The following TRAPPC3L variants were observed in gnomAD, a reference collection of about 807,000 sequenced individuals.
The protein encoded by TRAPPC3L is trafficking protein particle complex subunit 3-like protein.
A neutral mutation model predicts 23.7 loss-of-function variants in TRAPPC3L; 23 were observed. The ratio of observed to expected loss-of-function variants is 0.97; its 90% confidence interval spans 0.70 to 1.37. The LOEUF is 1.37. TRAPPC3L is among the 40% of genes most tolerant of loss of function. TRAPPC3L has a pLI of 0.00. For missense variants in TRAPPC3L, 212 were observed against 216.8 expected (o/e 0.98, Z 0.14); for synonymous variants, 81 against 77.9 (o/e 1.04, Z -0.21).
chr6:116,533,164 C>T (rs976755281), intron 3 of TRAPPC3L, among the ~76,000 whole-genome samples: 1 of 152,082 alleles, frequency 6.6e-6, no homozygotes, highest in Admixed American at 6.6e-5. Context: ...GAGTTCTTGG[C>T]CACAGTGTCA....
intron 3 of TRAPPC3L, among the ~76,000 whole-genome samples, chr6:116,535,581 C>G (rs1387106063): frequency 6.6e-6 from 1 of 152,094 alleles, no homozygotes; most frequent in African/African-American, 2.4e-5. Flanking sequence ...TTTTTTGGCT[C>G]TTTGACCAGA....
intron 4 of TRAPPC3L, among the ~76,000 whole-genome samples, chr6:116,499,730 CTA>C (rs762299553): frequency 1.2e-4 from 19 of 152,300 alleles, no homozygotes; most frequent in East Asian, 5.8e-4. Flanking sequence ...TATCTAACTC[CTA>C]TTTTTCCTTC....
intron 3 of TRAPPC3L, among the ~76,000 whole-genome samples, chr6:116,505,736 T>C (rs1771993661): frequency 6.6e-6 from 1 of 152,172 alleles, no homozygotes; most frequent in South Asian, 2.1e-4. Context: ...CCATCTGATC[T>C]TTGACAAACC....
intron 1 of TRAPPC3L, among the ~76,000 whole-genome samples, chr6:116,544,398 A>G (rs1773649028): frequency 6.6e-6 from 1 of 151,966 alleles, no homozygotes; most frequent in East Asian, 1.9e-4. Flanking sequence ...CTGGTTCAGT[A>G]CCCATAAAGG....
intron 3 of TRAPPC3L, among the ~76,000 whole-genome samples, chr6:116,513,405 T>C (rs1433383754): frequency 6.6e-6 from 1 of 152,216 alleles, no homozygotes; most frequent in Non-Finnish European, 1.5e-5. Flanking sequence ...GGGTATAACT[T>C]ACAACTCTTA....
At chr6:116,527,998 T>C (rs776319384) in intron 3 of TRAPPC3L, among the ~76,000 whole-genome samples, 2 of 152,200 alleles carry the variant, frequency 1.3e-5, no homozygotes, top group Non-Finnish European at 2.9e-5. Context: ...TTTTTAGTAA[T>C]AGAGCAAAAA....
chr6:116,508,495 A>G (rs1472199453), intron 3 of TRAPPC3L, among the ~76,000 whole-genome samples: 1 of 152,176 alleles, frequency 6.6e-6, no homozygotes, highest in East Asian at 1.9e-4. Flanking sequence ...TTTTCTTGTC[A>G]GCATAGAGAA....
At chr6:116,503,342 G>T (rs1771950539) in intron 3 of TRAPPC3L, among the ~76,000 whole-genome samples, 1 of 152,156 alleles carries the variant, frequency 6.6e-6, no homozygotes, top group African/African-American at 2.4e-5. Context: ...AAATATATGT[G>T]CACCCAATAC....
chr6:116,517,402 T>A (rs1011254401), intron 3 of TRAPPC3L: 3 of 152,154 alleles, frequency 2.0e-5, no homozygotes, highest in African/African-American at 4.8e-5. Flanking sequence ...TATATGTGTA[T>A]GTATATATGT....
chr6:116,527,146 AGTT>A (rs1040042303), intron 3 of TRAPPC3L, among the ~76,000 whole-genome samples: 1 of 152,190 alleles, frequency 6.6e-6, no homozygotes, highest in African/African-American at 2.4e-5. Context: ...CAAATAATTT[AGTT>A]GCCTTTTCAC....
chr6:116,543,000 G>T (rs1416776207), intron 2 of TRAPPC3L, among the ~76,000 whole-genome samples: 1 of 151,976 alleles, frequency 6.6e-6, no homozygotes, highest in East Asian at 1.9e-4. Context: ...GTTGTTAATA[G>T]AATAATTTCA....
chr6:116,543,627 G>GT, intron 1 of TRAPPC3L: 1 of 649,148 alleles, frequency 1.5e-6, no homozygotes, highest in Non-Finnish European at 2.6e-6. Context: ...AATGAATTTC[G>GT]TAACATGATA....
rs1773332729 is a variant in TRAPPC3L at position 116,539,951 on chromosome 6, G to C, written c.240+412C>G. Reference sequence around the variant, plus strand: ...TACAGGAAGTTCTGTTTTTCTCTTGGGAAAACAATACTCTGGGAATGACTA... The same window carrying C: ...TACAGGAAGTTCTGTTTTTCTCTTGCGAAAACAATACTCTGGGAATGACTA... On this transcript the variant is annotated intron_variant, in intron 3 of 4. Transcript: ENST00000368602. Among the ~76,000 whole-genome samples, 12 of 152,196 alleles carry C rather than the reference G, an allele frequency of 7.9e-5. No individual in the cohort carries two copies. In the South Asian group the frequency reaches 2.5e-3, roughly 32 times the overall value.
intron 3 of TRAPPC3L, chr6:116,511,900 T>C (rs1160507853): frequency 1.2e-6 from 2 of 1,613,954 alleles, no homozygotes; most frequent in African/African-American, 2.7e-5. Flanking sequence ...TGGGATTCTT[T>C]CTGAACAATA....
intron 3 of TRAPPC3L, 106 bp from the exon 4 acceptor site, chr6:116,500,772 C>A: frequency 1.0e-6 from 1 of 965,704 alleles, no homozygotes; most frequent in East Asian, 2.6e-5. Context: ...TGGTTAAGCA[C>A]ATGGAGTCTA....
chr6:116,499,727 C>T (rs1432339767), intron 4 of TRAPPC3L, among the ~76,000 whole-genome samples: 1 of 152,156 alleles, frequency 6.6e-6, no homozygotes, highest in Non-Finnish European at 1.5e-5. Context: ...TTTTATCTAA[C>T]TCCTATTTTT....
At position 116,503,541 on chromosome 6, in the gene TRAPPC3L, G is replaced by A. The variant is rs1771954242; in HGVS notation, c.241-2875C>T. Among the ~76,000 whole-genome samples the A allele has an allele frequency of 2.0e-5, 3 of 152,278 alleles. No individual in the cohort carries two copies. The South Asian group carries it at 6.2e-4, about 32-fold the overall frequency. ...CAAGTAGACCTAATAGACATCTATA[G>A]AACTCTCCACCTCAAATCAACAGAA... On this transcript the variant is annotated intron_variant, in intron 3 of 4. Transcript: ENST00000368602.
chr6:116,504,601 T>A (rs1168653516), intron 3 of TRAPPC3L, among the ~76,000 whole-genome samples: 1 of 152,126 alleles, frequency 6.6e-6, no homozygotes. Context: ...TAGGCCAATA[T>A]CCCTGATGAA....
intron 3 of TRAPPC3L, chr6:116,520,392 C>A (rs1772310481): frequency 6.6e-6 from 1 of 152,122 alleles, no homozygotes; most frequent in African/African-American, 2.4e-5. Flanking sequence ...TAAATATCCC[C>A]TGTTGTACAA....
Sources: allele counts gnomAD v4.1 joint callset (sites outside exome capture counted in the v4.1 genomes callset), GRCh38; gene constraint gnomAD v4.1.1; transcripts MANE v1.5; gene names NCBI Gene and HGNC (gene_info 2026-07-23, HGNC 2026-07-21).